Variants in TSC2 observed in about 807,000 individuals in gnomAD.
TSC2 encodes tuberin.
TSC2 carries 29 observed loss-of-function variants against 202.2 expected under a neutral mutation model. The observed-to-expected ratio is 0.14, with a 90% confidence interval of 0.11 to 0.20. The LOEUF is 0.20. Among genes scored for constraint, TSC2 ranks in the 10% least tolerant of loss-of-function variants. The pLI, the probability that TSC2 is intolerant of heterozygous loss-of-function variation, is 1.00. For synonymous variants in TSC2, 1,349 were observed against 1,044.0 expected (o/e 1.29, Z -5.63); for missense variants, 2,429 against 2,420.0 (o/e 1.00, Z -0.08).
chr16:2,064,479 G>T, intron 15 of TSC2, 52 bp downstream of exon 15: 1 of 1,610,434 alleles, frequency 6.2e-7, no homozygotes, highest in Non-Finnish European at 8.5e-7. Flanking sequence ...AGCTCCGTGG[G>T]CAGCAATGGC....
chr16:2,072,523 T>G, intron 20 of TSC2, 160 bp downstream of exon 20: 1 of 1,186,472 alleles, frequency 8.4e-7, no homozygotes, highest in Non-Finnish European at 1.2e-6. Context: ...TTGGGCAGGG[T>G]GGAGGGACCC....
intron 35 of TSC2, 89 bp downstream of exon 35, chr16:2,085,115 G>A: frequency 2.5e-6 from 4 of 1,603,384 alleles, no homozygotes; most frequent in Non-Finnish European, 3.4e-6. Flanking sequence ...GGGAGCTCAG[G>A]CTTGCAGAGG....
rs745687916 is a variant in TSC2 at position 2,075,806 on chromosome 16, C to T, written c.2553C>T (p.Ala851=). Residue 851 remains alanine (A), a synonymous_variant, in exon 23 of 42, where the codon GCC becomes GCT. Transcript: ENST00000219476. ...CCCTCTCCATTACCGCAGCTCTGGCCAGGCTGCCGCACCTCTACAGGAACT... is the reference window on the plus strand; with the variant it reads ...CCCTCTCCATTACCGCAGCTCTGGCTAGGCTGCCGCACCTCTACAGGAACT... ...VPLLEFLSTL[A]RLPHLYRNFA... The T allele has an allele frequency of 6.2e-6, 10 of 1,612,608 alleles. No individual in the cohort carries two copies. The highest frequency in any genetic ancestry group is 1.7e-5 in the Admixed American group (1 of 60,002).
chr16:2,061,698 C>G (rs1276145320), intron 11 of TSC2, 173 bp from the exon 12 acceptor site: 2 of 1,089,646 alleles, frequency 1.8e-6, no homozygotes, highest in African/African-American at 3.1e-5. Flanking sequence ...GGTGTCTCAA[C>G]CCATGAGGCC....
chr16:2,089,338 A>C lies in TSC2; in HGVS notation c.*728A>C. 1 of 318,838 alleles carries C rather than the reference A, an allele frequency of 3.1e-6. No homozygotes were observed. Among genetic ancestry groups the C allele is most frequent in the East Asian group, 6.5e-5 (1 of 15,362 alleles). 19.8% of individuals were successfully genotyped at this position (318,838 alleles called of 1,614,324 possible). On this transcript the variant is annotated 3_prime_UTR_variant, in exon 42 of 42. Coordinates refer to ENST00000219476, the MANE Select transcript of TSC2 (RefSeq NM_000548.5). ...GAGTACGGTAGGAACTGGAGAGGTAATAACTTAGGGGCAGGGTGGCGGCGG... is the reference window on the plus strand; with the variant it reads ...GAGTACGGTAGGAACTGGAGAGGTACTAACTTAGGGGCAGGGTGGCGGCGG...
At chr16:2,059,127 T>C (rs1172592554) in intron 10 of TSC2, among the ~76,000 whole-genome samples, 1 of 151,936 alleles carries the variant, frequency 6.6e-6, no homozygotes, top group East Asian at 1.9e-4. Flanking sequence ...CAAGTGATTC[T>C]ATTGCCTCAG....
chr16:2,063,760 T>C, intron 14 of TSC2: 16 of 232,896 alleles, frequency 6.9e-5, no homozygotes, highest in East Asian at 3.3e-4. Context: ...TCCTCTGGCT[T>C]CTCCCATCAG....
At position 2,071,628 on chromosome 16, in the gene TSC2, C is replaced by T. The variant is rs2151299799; in HGVS notation, c.1946+12C>T. Reference sequence around the variant, plus strand: ...GTCTGCGACTACATGTACGCGGGACCTCGCCCACGGCCCATGAGGCTCAGG... The same window carrying T: ...GTCTGCGACTACATGTACGCGGGACTTCGCCCACGGCCCATGAGGCTCAGG... On this transcript the variant is annotated intron_variant, in intron 18 of 41. Coordinates refer to ENST00000219476, the MANE Select transcript of TSC2 (RefSeq NM_000548.5). 4 of 1,613,150 alleles carry T rather than the reference C, an allele frequency of 2.5e-6. No homozygotes were observed. The highest frequency in any genetic ancestry group is 3.4e-6 in the Non-Finnish European group (4 of 1,179,928).
At chr16:2,083,581 A>T in intron 32 of TSC2, 114 bp from the exon 33 acceptor site, 1 of 1,502,866 alleles carries the variant, frequency 6.7e-7, no homozygotes, top group Non-Finnish European at 9.0e-7. Context: ...AGCCCTGGGG[A>T]GGCTCGCAGG....
At chr16:2,083,504 G>A in intron 32 of TSC2, 191 bp from the exon 33 acceptor site, 2 of 954,540 alleles carry the variant, frequency 2.1e-6, no homozygotes, top group African/African-American at 1.6e-5. Context: ...AGAGGCCTGT[G>A]TCGGGGTCAC....
intron 7 of TSC2, 65 bp downstream of exon 7, chr16:2,056,309 G>A (rs2085806429): frequency 6.2e-7 from 1 of 1,604,116 alleles, no homozygotes; most frequent in Admixed American, 1.7e-5. Flanking sequence ...TGGGGCTTGG[G>A]GGTTGAGCCC....
chr16:2,067,077 A>T (rs568722485), intron 16 of TSC2, among the ~76,000 whole-genome samples: 4 of 152,034 alleles, frequency 2.6e-5, no homozygotes, highest in Non-Finnish European at 5.9e-5. Context: ...AAGATGTTGG[A>T]TGGTAGAACA....
rs2086239603 is a variant in TSC2, at chr16:2,058,834, C to T, written c.936C>T (p.Leu312=). 2 of 1,606,374 alleles carry T rather than the reference C, an allele frequency of 1.2e-6. No homozygotes were observed. The highest frequency in any genetic ancestry group is 1.7e-6 in the Non-Finnish European group (2 of 1,176,426). Residue 312 remains leucine, a synonymous_variant, in exon 10 of 42, where the codon CTC becomes CTT. Transcript: ENST00000219476. ...GGGGAGCCCACCGGCTCTATTCTCT[C>T]AGGAACTCGCCGACATCTGTGTTGC... ...ALWGAHRLYS[L]RNSPTSVLPS...
rs1460592433 is a variant in TSC2 at position 2,087,958 on chromosome 16, C to T, written c.5068+17C>T. The T allele has an allele frequency of 1.2e-6, 2 of 1,611,672 alleles. No individual in the cohort carries two copies. Among genetic ancestry groups the T allele is most frequent in the Non-Finnish European group, 1.7e-6 (2 of 1,179,384 alleles). ...GCAGGAAAGGTAGGGCCGGGTGGGG[C>T]CCTGCAGTGCAGGAAAGGTAGGGCC... On this transcript the variant is annotated intron_variant, in intron 39 of 41. Transcript: ENST00000219476.
chr16:2,061,570 G>A lies in TSC2; in HGVS notation c.1120-301G>A, dbSNP rs139949461. 1,092 of 466,646 alleles carry A rather than the reference G, an allele frequency of 2.3e-3. 19 individuals are homozygous for A. In the East Asian group the frequency reaches 0.037, roughly 16 times the overall value. The allele number at this position is 466,646 out of a possible 1,614,324, so 28.9% of individuals were successfully genotyped here. A position where few individuals can be genotyped will look rare whatever the true frequency, so the allele number is the denominator to read the frequency against. ...TGCATGGGCACAGCCAAGATTCCTT[G>A]GGGGGTGGGGTACGGGCAGGAACAG... On this transcript the variant is annotated intron_variant, in intron 11 of 41. Transcript: ENST00000219476.
At chr16:2,083,280 C>G (rs962241016) in intron 32 of TSC2, 4 of 459,552 alleles carry the variant, frequency 8.7e-6, no homozygotes, top group African/African-American at 4.0e-5. Context: ...TGGGAGCAGT[C>G]TGTTTGCAAA....
chr16:2,050,291 G>A (rs1596244910), intron 2 of TSC2, 109 bp from the exon 3 acceptor site: 1 of 1,044,374 alleles, frequency 9.6e-7, no homozygotes, highest in African/African-American at 1.6e-5. Flanking sequence ...TCTGTTTTAA[G>A]TCTCTAGTCT....
Position 2,085,224 on chromosome 16 carries a change from C to CCACAGT in TSC2, c.4572_4577dup. On this transcript the variant is annotated splice_region_variant and splice_polypyrimidine_tract_variant and intron_variant, in intron 35 of 41. Transcript: ENST00000219476. ...TGGGGCTCAGGCAGGGCTCTGTGTGCCACAGTCACAGTCCTTTGAGCGGTC... is the reference window on the plus strand; with the variant it reads ...TGGGGCTCAGGCAGGGCTCTGTGTGCCACAGTCACAGTCACAGTCCTTTGAGCGGTC... The CCACAGT allele has an allele frequency of 2.4e-5, 38 of 1,612,672 alleles. No individual in the cohort carries two copies. In the South Asian group the frequency reaches 3.7e-4, roughly 16 times the overall value.
In TSC2 at chr16:2,070,451, TG is replaced by T. The variant is rs1362347834; in HGVS notation, c.1717-4del. On this transcript the variant is annotated splice_region_variant and splice_polypyrimidine_tract_variant and intron_variant, in intron 16 of 41. Coordinates refer to ENST00000219476, the MANE Select transcript of TSC2 (RefSeq NM_000548.5). ...GCCGTGGTGAGCTGCGTCCTCTCTC[TG>T]CAGACCAAGCTGTACACCCTGCCTG... 3.7e-6 allele frequency: 6 copies of T among 1,613,278 alleles called. No homozygotes were observed. The highest frequency in any genetic ancestry group is 5.1e-6 in the Non-Finnish European group (6 of 1,180,040).
Sources: gnomAD v4.1 joint callset for allele counts (sites outside exome capture counted in the v4.1 genomes callset) on GRCh38, gnomAD v4.1.1 for gene constraint, MANE v1.5 for transcripts, NCBI Gene and HGNC (gene_info 2026-07-23, HGNC 2026-07-21) for gene names.